Variants in CDC42EP4 observed in about 807,000 individuals in gnomAD.
CDC42EP4 encodes CDC42 effector protein (Rho GTPase binding) 4.
Under a neutral mutation model 5.6 loss-of-function variants are expected in CDC42EP4, and 6 were observed. That is an observed-to-expected ratio of 1.07 (90% confidence interval 0.59 to 2.12). CDC42EP4 has a LOEUF of 2.12. CDC42EP4 is among the 30% of genes most tolerant of loss of function. The probability of loss-of-function intolerance (pLI) is 0.00; values close to 1 mark genes in which losing one functional copy is unlikely to be tolerated. For synonymous variants in CDC42EP4, 230 were observed against 224.2 expected (o/e 1.03, Z -0.23); for missense variants, 490 against 508.6 (o/e 0.96, Z 0.35).
rs1483340156 is a variant in CDC42EP4 at position 73,285,330 on chromosome 17, G to T, written c.*100C>A. The T allele has an allele frequency of 2.1e-6, 2 of 946,864 alleles. No individual in the cohort carries two copies. The highest frequency in any genetic ancestry group is 3.2e-6 in the Non-Finnish European group (2 of 627,630). 58.7% of individuals were successfully genotyped at this position (946,864 alleles called of 1,614,324 possible). On this transcript the variant is annotated 3_prime_UTR_variant, in exon 2 of 2. Coordinates refer to ENST00000335793, the MANE Select transcript of CDC42EP4 (RefSeq NM_012121.5). This position sits in a 1 kb window ranked among gnomAD's most constrained non-coding sequence, Gnocchi z 6.8. ...TCCAGGGTCCATGGTCTGAATCAAG[G>T]GTCCTGGCTGCCCCTGCGCCGTAGG... is the stretch of plus-strand genomic sequence containing the variant.
chr17:73,293,096 C>T (rs2062169201), intron 1 of CDC42EP4, among the ~76,000 whole-genome samples: 1 of 152,198 alleles, frequency 6.6e-6, no homozygotes, highest in Admixed American at 6.5e-5. Context: ...AATCCACCCG[C>T]CTTGGCCTCC....
In CDC42EP4 at chr17:73,286,971, C is replaced by T. The variant is rs2062138111; in HGVS notation, c.-112-359G>A. 1 of 162,962 alleles carries T rather than the reference C, an allele frequency of 6.1e-6. No homozygotes were observed. The highest frequency in any genetic ancestry group is 1.7e-4 in the South Asian group (1 of 5,860). 10.1% of individuals were successfully genotyped at this position (162,962 alleles called of 1,614,324 possible). On this transcript the variant is annotated intron_variant, in intron 1 of 1. Coordinates refer to ENST00000335793, the MANE Select transcript of CDC42EP4 (RefSeq NM_012121.5). The surrounding 1 kb of genome is among the most constrained non-coding windows in gnomAD (Gnocchi z 7.7). ...GGACGCGAAGGTAAATCCAGCAATT[C>T]CAGGCAGCAAGCCAGGGAAGAGATG...
At position 73,286,475 on chromosome 17, in the gene CDC42EP4, G is replaced by A; in HGVS notation, c.26C>T (p.Ser9Phe). 6.3e-7 allele frequency: 1 copy of A among 1,598,384 alleles called. No homozygotes were observed. The highest frequency in any genetic ancestry group is 8.6e-7 in the Non-Finnish European group (1 of 1,169,296). The change falls in exon 2 of 2, where the codon TCC becomes TTC. Residue 9 changes from serine to phenylalanine, a missense_variant. Transcript: ENST00000335793. The surrounding 1 kb of genome is among the most constrained non-coding windows in gnomAD (Gnocchi z 7.7). ...ACGGCGCTTGGAGTGCACCGAGCTG[G>A]ACACCAGTTGCTTGAGGATTGGCAT... MPILKQLVSSSVHSKRRSR... is the reference protein window; with the variant it reads MPILKQLVFSSVHSKRRSR...
intron 1 of CDC42EP4, among the ~76,000 whole-genome samples, chr17:73,309,031 C>A (rs2062259304): frequency 9.4e-4 from 1 of 1,060 alleles, no homozygotes; most frequent in East Asian, 0.029. Context: ...GAGCAAAGCT[C>A]TGTCTCCAAA....
Position 73,284,053 on chromosome 17 carries a change from A to G in CDC42EP4, c.*1377T>C, listed in dbSNP as rs2145301772. On this transcript the variant is annotated 3_prime_UTR_variant, in exon 2 of 2. Transcript: ENST00000335793. ...CTGCTCAATCCCCTCGGGGACAGTT[A>G]CAGGACTCAGAGAGAAACGTGAATT... is the stretch of plus-strand genomic sequence containing the variant. 1 of 152,350 alleles carries G rather than the reference A, an allele frequency of 6.6e-6. No individual in the cohort carries two copies. Among genetic ancestry groups the G allele is most frequent in the Middle Eastern group, 3.4e-3 (1 of 294 alleles). 9.4% of individuals were successfully genotyped at this position (152,350 alleles called of 1,614,324 possible).
chr17:73,291,889 C>T (rs572487756), intron 1 of CDC42EP4, among the ~76,000 whole-genome samples: 2 of 152,296 alleles, frequency 1.3e-5, no homozygotes, highest in African/African-American at 4.8e-5. Flanking sequence ...CTGCTTGGGT[C>T]ACAGCAACCA....
At chr17:73,298,413 C>T (rs1254114516) in intron 1 of CDC42EP4, among the ~76,000 whole-genome samples, 1 of 152,242 alleles carries the variant, frequency 6.6e-6, no homozygotes. Context: ...ATAAGGATCA[C>T]TCCCACCCTA....
chr17:73,290,299 C>T (rs1401834203), intron 1 of CDC42EP4, among the ~76,000 whole-genome samples: 1 of 152,242 alleles, frequency 6.6e-6, no homozygotes, highest in Non-Finnish European at 1.5e-5. Context: ...CCTTCTCCAG[C>T]TCTGGCGGCG....
chr17:73,305,169 C>T (rs1057193282), intron 1 of CDC42EP4, among the ~76,000 whole-genome samples: 1 of 152,232 alleles, frequency 6.6e-6, no homozygotes, highest in African/African-American at 2.4e-5. Context: ...GACTCAAGGA[C>T]ATCCGGCAAC....
At chr17:73,304,277 C>CTTTTT (rs3064764) in intron 1 of CDC42EP4, among the ~76,000 whole-genome samples, 3 of 135,966 alleles carry the variant, frequency 2.2e-5, no homozygotes, top group Non-Finnish European at 4.6e-5. Context: ...TCTTCTTCTT[C>CTTTTT]TTTTTTTTTT....
In CDC42EP4 at chr17:73,286,207, C is replaced by T; in HGVS notation, c.294G>A (p.Glu98=). ...GCAGGGAGCCCAGCATGTCACGCTG[C>T]TCCCGCTCCCCCCTGGTCACCGACT... ...RSQSVTRGER[E]QRDMLGSLRD... Residue 98 remains glutamate, a synonymous_variant, in exon 2 of 2, where the codon GAG becomes GAA. Coordinates refer to ENST00000335793, the MANE Select transcript of CDC42EP4 (RefSeq NM_012121.5). This position sits in a 1 kb window ranked among gnomAD's most constrained non-coding sequence, Gnocchi z 7.7. The T allele has an allele frequency of 6.2e-7, 1 of 1,614,180 alleles. No individual in the cohort carries two copies. The highest frequency in any genetic ancestry group is 8.5e-7 in the Non-Finnish European group (1 of 1,180,044).
chr17:73,305,859 G>T lies in CDC42EP4; in HGVS notation c.-113+6034C>A, dbSNP rs1427794127. ...ACAGTGAAACGTGGGCTGAGACAAT[G>T]GGTTGACCCTTTTCAAAGTCCTGGG... On this transcript the variant is annotated intron_variant, in intron 1 of 1. Coordinates refer to ENST00000335793, the MANE Select transcript of CDC42EP4 (RefSeq NM_012121.5). Among the ~76,000 whole-genome samples, 5 of 152,252 alleles carry T rather than the reference G, an allele frequency of 3.3e-5. No individual in the cohort carries two copies. In the East Asian group the frequency reaches 9.7e-4, roughly 29 times the overall value.
At chr17:73,296,444 G>A (rs1473199688) in intron 1 of CDC42EP4, among the ~76,000 whole-genome samples, 3 of 149,206 alleles carry the variant, frequency 2.0e-5, no homozygotes. Flanking sequence ...AAAGACTGGA[G>A]ACAGACAGCC....
At position 73,286,546 on chromosome 17, in the gene CDC42EP4, G is replaced by T; in HGVS notation, c.-46C>A. ...GTGGGCCCTCCCGAGGTAGCCGGCA[G>T]GTCTGGGGTCAGATCTGAAGTCCAA... On this transcript the variant is annotated 5_prime_UTR_variant, in exon 2 of 2. It adds an upstream start codon to the 5' untranslated region. Transcript: ENST00000335793. This position sits in a 1 kb window ranked among gnomAD's most constrained non-coding sequence, Gnocchi z 7.7. The T allele has an allele frequency of 6.8e-7, 1 of 1,459,996 alleles. No individual in the cohort carries two copies. The allele number at this position is 1,459,996 out of a possible 1,614,324, so 90.4% of individuals were successfully genotyped here. A position where few individuals can be genotyped will look rare whatever the true frequency, so the allele number is the denominator to read the frequency against.
intron 1 of CDC42EP4, among the ~76,000 whole-genome samples, chr17:73,303,739 T>C (rs889589538): frequency 6.6e-6 from 1 of 151,994 alleles, no homozygotes; most frequent in Non-Finnish European, 1.5e-5. Flanking sequence ...TAAAATTCCA[T>C]ATGTGACTAG....
At chr17:73,293,538 A>G (rs1170059109) in intron 1 of CDC42EP4, among the ~76,000 whole-genome samples, 1 of 152,180 alleles carries the variant, frequency 6.6e-6, no homozygotes, top group African/African-American at 2.4e-5. Context: ...CCCTTCTCAC[A>G]GGAGGGGCTG....
intron 1 of CDC42EP4, among the ~76,000 whole-genome samples, chr17:73,303,090 TC>T (rs1443396983): frequency 5.4e-5 from 8 of 147,724 alleles, no homozygotes; most frequent in Non-Finnish European, 1.2e-4. Context: ...ACGCCTGTAA[TC>T]CCAGAACTTT....
intron 1 of CDC42EP4, chr17:73,309,892 G>C (rs977890223): frequency 5.9e-5 from 9 of 152,446 alleles, no homozygotes; most frequent in Non-Finnish European, 7.3e-5. Flanking sequence ...TGTCTTCAAG[G>C]AGTGGAGAGG....
chr17:73,288,958 C>G (rs893908010), intron 1 of CDC42EP4, among the ~76,000 whole-genome samples: 2 of 152,220 alleles, frequency 1.3e-5, no homozygotes, highest in Middle Eastern at 3.2e-3. Flanking sequence ...AGATGATACT[C>G]TACTCTGGGT....
Sources: allele counts gnomAD v4.1 joint callset (sites outside exome capture counted in the v4.1 genomes callset), GRCh38; gene constraint gnomAD v4.1.1; non-coding constraint Gnocchi (gnomAD v3.1); transcripts MANE v1.5; gene names NCBI Gene and HGNC (gene_info 2026-07-23, HGNC 2026-07-21).